INPP4B: variants seen among roughly 807,000 people sequenced by gnomAD.
INPP4B encodes inositol polyphosphate 4-phosphatase type II.
Under a neutral mutation model 122.5 loss-of-function variants are expected in INPP4B, and 55 were observed. That is an observed-to-expected ratio of 0.45 (90% confidence interval 0.36 to 0.56). INPP4B has a LOEUF of 0.56. Among genes scored for constraint, INPP4B ranks in the 20% least tolerant of loss-of-function variants. The pLI, the probability that INPP4B is intolerant of heterozygous loss-of-function variation, is 0.00. For missense variants in INPP4B, 1,000 were observed against 1,097.7 expected (o/e 0.91, Z 1.26); for synonymous variants, 403 against 388.7 (o/e 1.04, Z -0.43).
intron 2 of INPP4B, among the ~76,000 whole-genome samples, chr4:142,693,073 A>AT (rs1168265641): frequency 6.6e-6 from 1 of 151,220 alleles, no homozygotes; most frequent in African/African-American, 2.4e-5. Context: ...AGTAACTGCT[A>AT]TTTTTCCTTA....
chr4:142,225,253 T>C (rs1280496144), intron 12 of INPP4B, among the ~76,000 whole-genome samples: 1 of 152,192 alleles, frequency 6.6e-6, no homozygotes, highest in East Asian at 1.9e-4. Context: ...CTTTGGCTTT[T>C]GACTCTTGGA....
Position 142,550,145 on chromosome 4 carries a change from T to C in INPP4B, c.-190-87419A>G, listed in dbSNP as rs181849185. 3.3e-5 allele frequency among the ~76,000 whole-genome samples: 5 copies of C among 152,280 alleles called. No individual in the cohort carries two copies. The East Asian group carries it at 9.7e-4, about 29-fold the overall frequency. On this transcript the variant is annotated intron_variant, in intron 2 of 25. Transcript: ENST00000262992. ...ATTGCCTCTGATTAAAACAGTCAAG[T>C]ATTAGAGCCTAGTGCTCCAAGTGGT...
At position 142,648,812 on chromosome 4, in the gene INPP4B, G is replaced by T. The variant is rs181096734; in HGVS notation, c.-191+77027C>A. Among the ~76,000 whole-genome samples the T allele has an allele frequency of 5.8e-4, 88 of 152,304 alleles. 2 individuals carry two copies. In the East Asian group the frequency reaches 0.015, roughly 27 times the overall value. ...TCATAGTTGAACAAAAGGCAGCAAC[G>T]TCCCTGTCTGACAGCTCTGAAGACA... On this transcript the variant is annotated intron_variant, in intron 2 of 25. Transcript: ENST00000262992.
intron 16 of INPP4B, among the ~76,000 whole-genome samples, chr4:142,167,028 G>A (rs1271558944): frequency 5.3e-5 from 8 of 151,622 alleles, no homozygotes; most frequent in Admixed American, 4.6e-4. Flanking sequence ...CTGACCCAGC[G>A]ATCTCATTAC....
intron 23 of INPP4B, among the ~76,000 whole-genome samples, chr4:142,088,728 G>A (rs1164723662): frequency 6.6e-6 from 1 of 152,160 alleles, no homozygotes; most frequent in African/African-American, 2.4e-5. Context: ...CAGAGAATGT[G>A]CATGAGAAAA....
chr4:142,274,372 A>G (rs1190472056), intron 9 of INPP4B, among the ~76,000 whole-genome samples: 4 of 151,790 alleles, frequency 2.6e-5, no homozygotes, highest in Admixed American at 1.3e-4. Context: ...CAGCTGTTCC[A>G]TACTATTAGC....
intron 2 of INPP4B, among the ~76,000 whole-genome samples, chr4:142,468,536 T>C (rs752122371): frequency 6.6e-6 from 1 of 152,114 alleles, no homozygotes; most frequent in African/African-American, 2.4e-5. Flanking sequence ...GTCATGGGGG[T>C]GGATTCCTCA....
At chr4:142,540,871 T>C (rs1241942572) in intron 2 of INPP4B, among the ~76,000 whole-genome samples, 23 of 152,212 alleles carry the variant, frequency 1.5e-4, no homozygotes, top group Non-Finnish European at 2.4e-4. Context: ...ACACCAATAA[T>C]AGTTACAGAT....
At chr4:142,425,493 T>C (rs1807841681) in intron 5 of INPP4B, among the ~76,000 whole-genome samples, 1 of 151,522 alleles carries the variant, frequency 6.6e-6, no homozygotes, top group Non-Finnish European at 1.5e-5. Context: ...ACTAACCTAA[T>C]TTACTACCCT....
chr4:142,291,863 T>C (rs143645937), intron 9 of INPP4B, among the ~76,000 whole-genome samples: 150 of 152,346 alleles, frequency 9.8e-4, no homozygotes, highest in Admixed American at 4.3e-3. Context: ...TATCCATGAC[T>C]AGCATTTTTG....
At chr4:142,619,059 G>C (rs1001346252) in intron 2 of INPP4B, among the ~76,000 whole-genome samples, 2 of 151,882 alleles carry the variant, frequency 1.3e-5, no homozygotes, top group African/African-American at 2.4e-5. Context: ...CACCTCTTAA[G>C]ATGGTTTTTA....
intron 11 of INPP4B, among the ~76,000 whole-genome samples, chr4:142,254,429 C>T (rs1393789199): frequency 2.0e-5 from 3 of 146,708 alleles, no homozygotes; most frequent in Admixed American, 1.4e-4. Context: ...ACATTCAAAC[C>T]AAAGGCAAAG....
chr4:142,262,114 C>T (rs1740356448), intron 10 of INPP4B, among the ~76,000 whole-genome samples: 1 of 152,278 alleles, frequency 6.6e-6, no homozygotes, highest in East Asian at 1.9e-4. Context: ...AATATTACCT[C>T]TAATTCTTTT....
chr4:142,250,047 G>A (rs998895387), intron 11 of INPP4B, among the ~76,000 whole-genome samples: 3 of 152,216 alleles, frequency 2.0e-5, no homozygotes, highest in Non-Finnish European at 4.4e-5. Context: ...GTCAAACTAA[G>A]TAAGAGCTTC....
At position 142,720,484 on chromosome 4, in the gene INPP4B, T is replaced by C. The variant is rs143785201; in HGVS notation, c.-191+5355A>G. 7.8e-3 allele frequency among the ~76,000 whole-genome samples: 1,183 copies of C among 152,042 alleles called. 11 individuals are homozygous for C. Among genetic ancestry groups the C allele is most frequent in the African/African-American group, 0.027 (1,105 of 41,488 alleles). ...TATGCGGATGTTCAAGTCCCTTATATAAAACGGCATAGTCTTTGCACATAA... is the reference window on the plus strand; with the variant it reads ...TATGCGGATGTTCAAGTCCCTTATACAAAACGGCATAGTCTTTGCACATAA... On this transcript the variant is annotated intron_variant, in intron 2 of 25. Transcript: ENST00000262992.
Position 142,492,819 on chromosome 4 carries a change from AT to A in INPP4B, c.-190-30094del, listed in dbSNP as rs554832435. Among the ~76,000 whole-genome samples the A allele has an allele frequency of 4.4e-3, 672 of 152,316 alleles. 9 individuals are homozygous for A. The highest frequency in any genetic ancestry group is 0.015 in the African/African-American group (630 of 41,574). On this transcript the variant is annotated intron_variant, in intron 2 of 25. Transcript: ENST00000262992. The stretch of plus-strand genomic sequence containing the variant: ...GGAGAAATCCAAGCTTGCTGCAGAA[AT>A]TTGCATAAGTAATGAGAAGCCAAAT...
At chr4:142,495,122 C>T (rs947292956) in intron 2 of INPP4B, among the ~76,000 whole-genome samples, 1 of 152,060 alleles carries the variant, frequency 6.6e-6, no homozygotes, top group Non-Finnish European at 1.5e-5. Context: ...TTTCATTAAA[C>T]TTTTCTGTAT....
intron 17 of INPP4B, among the ~76,000 whole-genome samples, chr4:142,159,261 G>GAA (rs5862573): frequency 2.0e-3 from 288 of 147,528 alleles, no homozygotes; most frequent in Middle Eastern, 7.1e-3. Context: ...TTGGAACTGT[G>GAA]AAAAAAAAAA....
At chr4:142,648,039 C>T (rs144519069) in intron 2 of INPP4B, among the ~76,000 whole-genome samples, 1,748 of 152,296 alleles carry the variant, frequency 0.011, 27 homozygotes, top group African/African-American at 0.04. Flanking sequence ...AAATCTGAAA[C>T]GAGTTAAAAT....
Sources: gnomAD v4.1 joint callset for allele counts (sites outside exome capture counted in the v4.1 genomes callset) on GRCh38, gnomAD v4.1.1 for gene constraint, MANE v1.5 for transcripts, NCBI Gene and HGNC (gene_info 2026-07-23, HGNC 2026-07-21) for gene names.